Variants in ST7 observed in about 807,000 individuals in gnomAD.
The protein encoded by ST7 is suppression of tumorigenicity 7.
ST7 carries 28 observed loss-of-function variants against 78.7 expected under a neutral mutation model. The observed-to-expected ratio is 0.36, with a 90% CI of 0.26 to 0.49. ST7 has a LOEUF of 0.49. Among genes scored for constraint, ST7 ranks in the 20% least tolerant of loss-of-function variants. The pLI is 0.99. For synonymous variants in ST7, 247 were observed against 249.6 expected (o/e 0.99, Z 0.10); for missense variants, 418 against 696.0 (o/e 0.60, Z 4.49).
At chr7:117,097,900 A>ATT (rs1801208279) in intron 1 of ST7, among the ~76,000 whole-genome samples, 1 of 28,136 alleles carries the variant, frequency 3.6e-5, no homozygotes, top group South Asian at 1.3e-3. Context: ...ATATATATAT[A>ATT]TATATATATT....
chr7:117,108,305 T>C (rs929986768), intron 2 of ST7, among the ~76,000 whole-genome samples: 34 of 152,208 alleles, frequency 2.2e-4, no homozygotes, highest in African/African-American at 8.0e-4. Flanking sequence ...TTCTTACTCA[T>C]GTGACTTGCC....
chr7:117,160,430 G>A (rs2117208181), intron 9 of ST7, among the ~76,000 whole-genome samples: 1 of 151,888 alleles, frequency 6.6e-6, no homozygotes, highest in South Asian at 2.1e-4. Flanking sequence ...GAGCTCACCT[G>A]GTGCTAAGAA....
intron 12 of ST7, chr7:117,191,911 T>A (rs1201883804): frequency 1.3e-5 from 2 of 152,110 alleles, no homozygotes; most frequent in Non-Finnish European, 2.9e-5. Flanking sequence ...TTTATGGAGT[T>A]AACTACTTTA....
At position 117,099,826 on chromosome 7, in the gene ST7, A is replaced by G; in HGVS notation, c.216A>G (p.Leu72=). 6.2e-7 allele frequency: 1 copy of G among 1,613,570 alleles called. No individual in the cohort carries two copies. Among genetic ancestry groups the G allele is most frequent in the Non-Finnish European group, 8.5e-7 (1 of 1,179,714 alleles). ...FYVALTGTSS[L]ISGLILIFEW... ...TGGCCCTAACAGGCACTTCCTCACT[A>G]ATATCAGGGCTTATTTTGGTAAGTG... The change falls in exon 2 of 16, where the codon CTA becomes CTG. Residue 72 remains leucine (L), a synonymous_variant. Transcript: ENST00000323984.
chr7:117,207,993 A>G (rs1791936277), intron 12 of ST7, among the ~76,000 whole-genome samples: 1 of 152,132 alleles, frequency 6.6e-6, no homozygotes, highest in Admixed American at 6.5e-5. Flanking sequence ...GGCAGTAGCA[A>G]TGTACATTTT....
intron 1 of ST7, among the ~76,000 whole-genome samples, chr7:117,000,091 G>A (rs141849978): frequency 0.013 from 2,027 of 152,242 alleles, 44 homozygotes; most frequent in African/African-American, 0.042. Flanking sequence ...GATTACAGGC[G>A]TGAGCCACTG....
intron 1 of ST7, among the ~76,000 whole-genome samples, chr7:116,964,581 CAAAAT>C (rs1308467271): frequency 2.6e-5 from 4 of 152,066 alleles, no homozygotes; most frequent in Non-Finnish European, 4.4e-5. Context: ...GTATTTAAAG[CAAAAT>C]AAAACAAATT....
At chr7:117,227,238 C>T (rs1210779417) in intron 15 of ST7, among the ~76,000 whole-genome samples, 2 of 152,222 alleles carry the variant, frequency 1.3e-5, no homozygotes, top group Admixed American at 1.3e-4. Flanking sequence ...TGTTATCTAG[C>T]TGCGCTGGCT....
intron 1 of ST7, among the ~76,000 whole-genome samples, chr7:117,083,573 T>C (rs1307084438): frequency 6.6e-6 from 1 of 152,154 alleles, no homozygotes; most frequent in Non-Finnish European, 1.5e-5. Flanking sequence ...TTCTCTGCTA[T>C]TTTAATAAGA....
chr7:117,102,358 G>A (rs536695812), intron 2 of ST7, among the ~76,000 whole-genome samples: 2 of 152,278 alleles, frequency 1.3e-5, no homozygotes, highest in South Asian at 2.1e-4. Context: ...GTCCAAATGG[G>A]AAATAGTAAA....
intron 1 of ST7, among the ~76,000 whole-genome samples, chr7:117,041,569 A>G (rs1449375000): frequency 6.6e-6 from 1 of 152,096 alleles, no homozygotes; most frequent in Non-Finnish European, 1.5e-5. Context: ...ATTACTTTTG[A>G]CATCTATCTT....
chr7:116,969,767 C>T (rs903280953), intron 1 of ST7, among the ~76,000 whole-genome samples: 4 of 152,102 alleles, frequency 2.6e-5, no homozygotes, highest in African/African-American at 7.2e-5. Context: ...GGAGTAGGAA[C>T]GCTTTATTGT....
Position 117,020,774 on chromosome 7 carries a change from A to G in ST7, c.151+67083A>G, listed in dbSNP as rs2116027065. On this transcript the variant is annotated intron_variant, in intron 1 of 15. Coordinates refer to ENST00000323984, the MANE Select transcript of ST7 (RefSeq NM_001369598.1). ...AATTACAAAGGAATTGGTCTCAGGG[A>G]AGGAACTCCCCTTAACTGGGTTATT... is the stretch of plus-strand genomic sequence containing the variant. 10 of 1,228,482 alleles carry G rather than the reference A, an allele frequency of 8.1e-6. No individual in the cohort carries two copies. The South Asian group carries it at 1.2e-4, about 15-fold the overall frequency. The allele number at this position is 1,228,482 out of a possible 1,614,324, so 76.1% of individuals were successfully genotyped here.
chr7:116,980,493 C>T (rs1360421686), intron 1 of ST7, among the ~76,000 whole-genome samples: 1 of 152,144 alleles, frequency 6.6e-6, no homozygotes, highest in Non-Finnish European at 1.5e-5. Context: ...CTTGATGGTG[C>T]ATCCTGGCTT....
At chr7:117,171,467 C>T (rs927019922) in intron 10 of ST7, among the ~76,000 whole-genome samples, 11 of 151,962 alleles carry the variant, frequency 7.2e-5, no homozygotes, top group Non-Finnish European at 1.5e-4. Flanking sequence ...AAATCATGTC[C>T]GCTTCATCCC....
intron 15 of ST7, among the ~76,000 whole-genome samples, chr7:117,227,841 G>A (rs1793544459): frequency 6.6e-6 from 1 of 152,130 alleles, no homozygotes; most frequent in Non-Finnish European, 1.5e-5. Flanking sequence ...GATAATTTCA[G>A]AAGATTATCA....
intron 15 of ST7, among the ~76,000 whole-genome samples, chr7:117,225,580 C>T (rs1216982671): frequency 1.3e-5 from 2 of 152,120 alleles, no homozygotes; most frequent in East Asian, 1.9e-4. Context: ...TTCATCAGGC[C>T]CCTCCCGAAG....
At chr7:117,194,152 G>A (rs1351760682) in intron 12 of ST7, among the ~76,000 whole-genome samples, 2 of 152,148 alleles carry the variant, frequency 1.3e-5, no homozygotes, top group Non-Finnish European at 2.9e-5. Context: ...TTAGATTGCA[G>A]CAAACTAGTA....
intron 1 of ST7, among the ~76,000 whole-genome samples, chr7:117,071,160 A>G (rs565753701): frequency 1.3e-5 from 2 of 152,258 alleles, no homozygotes; most frequent in East Asian, 1.9e-4. Flanking sequence ...CGGAGCTTGC[A>G]GTGAGCCGAG....
Sources: allele counts gnomAD v4.1 joint callset (sites outside exome capture counted in the v4.1 genomes callset), GRCh38; gene constraint gnomAD v4.1.1; transcripts MANE v1.5; gene names NCBI Gene and HGNC (gene_info 2026-07-23, HGNC 2026-07-21).